The following CLPB variants were observed in gnomAD, a reference collection of about 807,000 sequenced individuals.
The protein encoded by CLPB is mitochondrial disaggregase.
CLPB carries 40 observed loss-of-function variants against 78.4 expected under a neutral mutation model. The observed-to-expected ratio is 0.51, with a 90% CI of 0.40 to 0.66. The LOEUF is 0.66. CLPB is among the 30% of genes least tolerant of loss of function. CLPB has a pLI of 0.00. For synonymous variants in CLPB, 333 were observed against 348.0 expected, an observed-to-expected ratio of 0.96 and a Z score of 0.48; for missense variants, 780 against 886.9, an observed-to-expected ratio of 0.88 and a Z score of 1.53.
chr11:72,392,106 T>A (rs1565481229), intron 3 of CLPB, among the ~76,000 whole-genome samples: 1 of 151,842 alleles, frequency 6.6e-6, no homozygotes, highest in African/African-American at 2.4e-5. Flanking sequence ...CAGCTGGAGT[T>A]GGTGAAGCAA....
chr11:72,292,606 C>G lies in CLPB; in HGVS notation c.*761G>C, dbSNP rs1668431928. 2.0e-5 allele frequency: 3 copies of G among 152,272 alleles called. No homozygotes were observed. Among genetic ancestry groups the G allele is most frequent in the African/African-American group, 7.2e-5 (3 of 41,436 alleles). The allele number at this position is 152,272 out of a possible 1,614,324, so 9.4% of individuals were successfully genotyped here. On this transcript the variant is annotated 3_prime_UTR_variant, in exon 16 of 16. Coordinates refer to ENST00000538039, the MANE Select transcript of CLPB (RefSeq NM_001258392.3). ...GTTGGTCTTTTGAAGGAGGCCCCCA[C>G]AGAGCTGAGCTTGCTTGGTTATCTG...
intron 2 of CLPB, among the ~76,000 whole-genome samples, chr11:72,424,431 T>C (rs1565099941): frequency 6.6e-6 from 1 of 152,234 alleles, no homozygotes; most frequent in Admixed American, 6.5e-5. Flanking sequence ...CAATAGCTTG[T>C]TATTTTAATG....
intron 1 of CLPB, chr11:72,430,642 A>C (rs2135169316): frequency 2.2e-6 from 1 of 462,032 alleles, no homozygotes; most frequent in African/African-American, 2.0e-5. Context: ...CGTCTTGCCT[A>C]TGGTAAATAA....
chr11:72,319,574 C>T (rs965973087), intron 6 of CLPB, among the ~76,000 whole-genome samples: 2 of 152,352 alleles, frequency 1.3e-5, no homozygotes, highest in African/African-American at 4.8e-5. Context: ...ACTTCATCTA[C>T]TTCCTAGCTA....
intron 3 of CLPB, among the ~76,000 whole-genome samples, chr11:72,381,298 C>A (rs1476368386): frequency 6.6e-6 from 1 of 152,160 alleles, no homozygotes; most frequent in Non-Finnish European, 1.5e-5. Flanking sequence ...TCCAGTAAAA[C>A]TCAGTGCCTG....
chr11:72,360,914 C>G (rs766444881), intron 4 of CLPB, among the ~76,000 whole-genome samples: 1 of 152,192 alleles, frequency 6.6e-6, no homozygotes, highest in Non-Finnish European at 1.5e-5. Context: ...CCCACTGTTT[C>G]TCACATATCA....
At chr11:72,397,070 C>T (rs1469389499) in intron 3 of CLPB, among the ~76,000 whole-genome samples, 1 of 152,200 alleles carries the variant, frequency 6.6e-6, no homozygotes, top group East Asian at 1.9e-4. Flanking sequence ...TTTATATTCT[C>T]TTCCCATTCC....
chr11:72,414,501 T>C lies in CLPB; in HGVS notation c.456-11449A>G, dbSNP rs140995267. Reference sequence around the variant, plus strand: ...TGAAGTTCAGGAATCTCACAAAATTTCCAGTAAAGAAGAGACAATGAAAAG... The same window carrying C: ...TGAAGTTCAGGAATCTCACAAAATTCCCAGTAAAGAAGAGACAATGAAAAG... On this transcript the variant is annotated intron_variant, in intron 2 of 15. Coordinates refer to ENST00000538039, the MANE Select transcript of CLPB (RefSeq NM_001258392.3). Among the ~76,000 whole-genome samples, 36 of 152,276 alleles carry C rather than the reference T, an allele frequency of 2.4e-4. 1 individual carries two copies. The East Asian group carries it at 6.9e-3, about 29-fold the overall frequency.
chr11:72,417,483 C>T (rs1208468500), intron 2 of CLPB, among the ~76,000 whole-genome samples: 2 of 151,924 alleles, frequency 1.3e-5, no homozygotes, highest in East Asian at 3.9e-4. Flanking sequence ...TCTGAGGGTC[C>T]GGGGTGGGGT....
chr11:72,359,072 G>A lies in CLPB; in HGVS notation c.647-64C>T. On this transcript the variant is annotated intron_variant, in intron 4 of 15. Transcript: ENST00000538039. The stretch of plus-strand genomic sequence containing the variant: ...ACAGCATGAGCCACCAATCTCACCT[G>A]TTTTCTAGTGGCATTTTAATTCACT... The A allele has an allele frequency of 3.1e-6, 5 of 1,607,578 alleles. No homozygotes were observed. The Admixed American group carries it at 8.4e-5, about 27-fold the overall frequency.
chr11:72,424,451 G>C (rs1438318885), intron 2 of CLPB, among the ~76,000 whole-genome samples: 1 of 152,098 alleles, frequency 6.6e-6, no homozygotes, highest in African/African-American at 2.4e-5. Flanking sequence ...GTAAATTCTT[G>C]GTAAACAACT....
chr11:72,363,292 C>A (rs998833577), intron 4 of CLPB: 1 of 152,220 alleles, frequency 6.6e-6, no homozygotes, highest in Non-Finnish European at 1.5e-5. Flanking sequence ...GGGTGTCACT[C>A]AGCAGTTTCT....
intron 2 of CLPB, among the ~76,000 whole-genome samples, chr11:72,422,748 TA>T (rs1856247328): frequency 1.3e-5 from 2 of 152,316 alleles, no homozygotes; most frequent in South Asian, 4.1e-4. Context: ...CAACAATCAA[TA>T]AACAGACAGC....
chr11:72,416,826 C>T (rs1008131160), intron 2 of CLPB, among the ~76,000 whole-genome samples: 2 of 151,440 alleles, frequency 1.3e-5, no homozygotes, highest in African/African-American at 4.9e-5. Flanking sequence ...ATGCTCACAT[C>T]ATTAGCCATT....
chr11:72,377,528 G>A (rs1854744990), intron 4 of CLPB, among the ~76,000 whole-genome samples: 1 of 152,110 alleles, frequency 6.6e-6, no homozygotes, highest in African/African-American at 2.4e-5. Flanking sequence ...TATTTTTGTT[G>A]TCTATCTCTC....
chr11:72,391,341 C>T (rs61893858), intron 3 of CLPB, among the ~76,000 whole-genome samples: 1,609 of 152,298 alleles, frequency 0.011, 12 homozygotes, highest in Non-Finnish European at 0.017. Context: ...CAGTATGAGT[C>T]CATGCTCTTT....
chr11:72,308,392 G>A, intron 8 of CLPB, 135 bp downstream of exon 8: 1 of 690,962 alleles, frequency 1.4e-6, no homozygotes, highest in South Asian at 1.6e-5. Context: ...GTAATCTGGA[G>A]GCCGTTGCTT....
rs1949455043 is a variant in CLPB at position 72,291,749 on chromosome 11, A to T, written c.*1618T>A. 6.6e-6 allele frequency: 1 copy of T among 152,012 alleles called. No individual in the cohort carries two copies. The highest frequency in any genetic ancestry group is 1.5e-5 in the Non-Finnish European group (1 of 68,020). 9.4% of individuals were successfully genotyped at this position (152,012 alleles called of 1,614,324 possible). The stretch of plus-strand genomic sequence containing the variant: ...ATTATTTCAAAACAAAAAGTAAAAA[A>T]CAATGAAAAGCAGGCCGGGTCCAGT... On this transcript the variant is annotated 3_prime_UTR_variant, in exon 16 of 16. Transcript: ENST00000538039.
intron 13 of CLPB, 44 bp from the exon 14 acceptor site, chr11:72,294,488 G>T: frequency 6.2e-7 from 1 of 1,613,038 alleles, no homozygotes; most frequent in Non-Finnish European, 8.5e-7. Context: ...GTGACCCAGA[G>T]CGGGTTAGGG....
Sources: gnomAD v4.1 joint callset for allele counts (sites outside exome capture counted in the v4.1 genomes callset) on GRCh38, gnomAD v4.1.1 for gene constraint, MANE v1.5 for transcripts, NCBI Gene and HGNC (gene_info 2026-07-23, HGNC 2026-07-21) for gene names.